Variants in SPAG16 observed in about 807,000 individuals in gnomAD.
SPAG16 encodes the protein sperm associated antigen 16.
SPAG16 carries 86 observed loss-of-function variants against 80.4 expected under a neutral mutation model. The observed-to-expected ratio is 1.07, with a 90% confidence interval of 0.90 to 1.28. The LOEUF (loss-of-function observed/expected upper bound fraction) is 1.28, where lower values mean the gene tolerates loss of function less well. Ranked by LOEUF, SPAG16 falls within the 50% of genes most tolerant of loss-of-function variation. The probability of loss-of-function intolerance (pLI) is 0.00; values close to 1 mark genes in which losing one functional copy is unlikely to be tolerated. For synonymous variants in SPAG16, 294 were observed against 265.9 expected, an observed-to-expected ratio of 1.11 and a Z score of -1.03; for missense variants, 870 against 765.3, an observed-to-expected ratio of 1.14 and a Z score of -1.61.
intron 5 of SPAG16, among the ~76,000 whole-genome samples, chr2:213,322,349 A>C (rs965255396): frequency 1.0e-4 from 11 of 110,540 alleles, no homozygotes; most frequent in East Asian, 7.7e-4. Context: ...AAAAAAAAAA[A>C]AAAAAAACAA....
chr2:213,610,621 T>G (rs1168657332), intron 10 of SPAG16, among the ~76,000 whole-genome samples: 1 of 152,144 alleles, frequency 6.6e-6, no homozygotes, highest in Non-Finnish European at 1.5e-5. Context: ...AAGAAAGAAT[T>G]CAGCGCAAGT....
At chr2:213,932,161 T>TGC (rs2078777299) in intron 12 of SPAG16, among the ~76,000 whole-genome samples, 2 of 12,758 alleles carry the variant, frequency 1.6e-4, no homozygotes, top group African/African-American at 2.9e-4. Flanking sequence ...TATATATATA[T>TGC]ATATATATAT....
In SPAG16 at chr2:214,248,503, G is replaced by C. The variant is rs370507430; in HGVS notation, c.1720+99237G>C. On this transcript the variant is annotated intron_variant, in intron 15 of 15. Transcript: ENST00000331683. ...CAGCTAATTTTTGTATTTTTTAGTA[G>C]AGACGGGATTTCACCATGTTGACCA... Among the ~76,000 whole-genome samples, 10 of 151,918 alleles carry C rather than the reference G, an allele frequency of 6.6e-5. No homozygotes were observed. In the South Asian group the frequency reaches 1.2e-3, roughly 19 times the overall value.
intron 13 of SPAG16, among the ~76,000 whole-genome samples, chr2:214,077,674 C>A (rs1388990046): frequency 6.6e-6 from 1 of 152,160 alleles, no homozygotes; most frequent in South Asian, 2.1e-4. Context: ...ACCATGAAGG[C>A]GGGTATGGAA....
intron 10 of SPAG16, among the ~76,000 whole-genome samples, chr2:213,512,726 T>A (rs1443596944): frequency 1.3e-5 from 2 of 152,018 alleles, no homozygotes; most frequent in Admixed American, 1.3e-4. Flanking sequence ...AAAATAAGTA[T>A]CCCCCATCAC....
rs186261328 is a variant in SPAG16, at chr2:213,867,436, G to A, written c.1214+4808G>A. ...ACGAGTGGCTCGTTTTAGAATGCTAGCCTCACCATTGCCAGTCTTTTCAGG... is the reference window on the plus strand; with the variant it reads ...ACGAGTGGCTCGTTTTAGAATGCTAACCTCACCATTGCCAGTCTTTTCAGG... On this transcript the variant is annotated intron_variant, in intron 11 of 15. Coordinates refer to ENST00000331683, the MANE Select transcript of SPAG16 (RefSeq NM_024532.5). Among the ~76,000 whole-genome samples the A allele has an allele frequency of 2.4e-3, 361 of 152,034 alleles. 2 individuals carry two copies. Among genetic ancestry groups the A allele is most frequent in the Middle Eastern group, 0.01 (3 of 292 alleles).
chr2:214,034,009 A>C (rs1026566512), intron 13 of SPAG16, among the ~76,000 whole-genome samples: 2 of 152,166 alleles, frequency 1.3e-5, no homozygotes, highest in African/African-American at 4.8e-5. Context: ...AGTTCCCTTT[A>C]ATCTGGAATA....
At chr2:214,126,639 A>G (rs1374381106) in intron 14 of SPAG16, among the ~76,000 whole-genome samples, 1 of 151,794 alleles carries the variant, frequency 6.6e-6, no homozygotes, top group East Asian at 1.9e-4. Flanking sequence ...TGCAGTGAGC[A>G]CTATATTAAT....
intron 15 of SPAG16, among the ~76,000 whole-genome samples, chr2:214,172,861 A>G (rs960616663): frequency 6.8e-4 from 104 of 152,098 alleles, no homozygotes; most frequent in African/African-American, 2.4e-3. Context: ...GTGATGGTGA[A>G]CATTTTTTCA....
intron 12 of SPAG16, among the ~76,000 whole-genome samples, chr2:213,952,062 G>A (rs2079812706): frequency 6.6e-6 from 1 of 152,168 alleles, no homozygotes; most frequent in South Asian, 2.1e-4. Flanking sequence ...CAATCACTGA[G>A]GGATGATCTA....
At chr2:213,424,666 G>T (rs561642099) in intron 9 of SPAG16, among the ~76,000 whole-genome samples, 2 of 152,274 alleles carry the variant, frequency 1.3e-5, no homozygotes, top group African/African-American at 4.8e-5. Flanking sequence ...GTACATTTAT[G>T]CACCATTAAG....
chr2:213,446,249 G>A (rs555632994), intron 9 of SPAG16, among the ~76,000 whole-genome samples: 1 of 152,304 alleles, frequency 6.6e-6, no homozygotes, highest in African/African-American at 2.4e-5. Flanking sequence ...TAACCAGACT[G>A]AAATGGCTGA....
chr2:213,353,863 C>A (rs2065473568), intron 7 of SPAG16, among the ~76,000 whole-genome samples: 1 of 152,138 alleles, frequency 6.6e-6, no homozygotes, highest in South Asian at 2.1e-4. Context: ...CTAAAAATAT[C>A]CCAATTTAGA....
intron 10 of SPAG16, among the ~76,000 whole-genome samples, chr2:213,722,794 G>C (rs551287344): frequency 5.9e-5 from 9 of 152,246 alleles, no homozygotes; most frequent in Non-Finnish European, 1.0e-4. Flanking sequence ...CAGTTGAAAT[G>C]GGCTCTGTGG....
At chr2:214,165,046 G>T (rs535045189) in intron 15 of SPAG16, among the ~76,000 whole-genome samples, 15 of 152,058 alleles carry the variant, frequency 9.9e-5, no homozygotes, top group African/African-American at 3.6e-4. Flanking sequence ...CCTCTTTACT[G>T]TATGGAAATT....
chr2:213,606,896 A>C (rs1167485645), intron 10 of SPAG16, among the ~76,000 whole-genome samples: 1 of 152,226 alleles, frequency 6.6e-6, no homozygotes, highest in African/African-American at 2.4e-5. Context: ...AATCTACAGA[A>C]TATTATGAGA....
At chr2:213,603,393 T>C (rs972199190) in intron 10 of SPAG16, among the ~76,000 whole-genome samples, 1 of 152,266 alleles carries the variant, frequency 6.6e-6, no homozygotes, top group Non-Finnish European at 1.5e-5. Context: ...TGTGGCTGGT[T>C]TTCTCACTTT....
chr2:213,723,774 T>C (rs967853513), intron 10 of SPAG16, among the ~76,000 whole-genome samples: 1 of 152,208 alleles, frequency 6.6e-6, no homozygotes, highest in African/African-American at 2.4e-5. Flanking sequence ...TCCAGGGAGC[T>C]GTGCTTCAAA....
chr2:214,197,894 C>T (rs1015243012), intron 15 of SPAG16, among the ~76,000 whole-genome samples: 1 of 151,538 alleles, frequency 6.6e-6, no homozygotes, highest in African/African-American at 2.4e-5. Flanking sequence ...ATTATCATAT[C>T]GATTCTCACT....
Sources: gnomAD v4.1 joint callset for allele counts (sites outside exome capture counted in the v4.1 genomes callset) on GRCh38, gnomAD v4.1.1 for gene constraint, MANE v1.5 for transcripts, NCBI Gene and HGNC (gene_info 2026-07-23, HGNC 2026-07-21) for gene names.